The following BLK variants were observed in gnomAD, a reference collection of about 807,000 sequenced individuals.
The protein encoded by BLK is tyrosine-protein kinase Blk.
BLK carries 64 observed loss-of-function variants against 61.8 expected under a neutral mutation model. That is an observed-to-expected ratio of 1.03 (90% CI 0.85 to 1.27). BLK has a LOEUF of 1.27. BLK is among the 50% of genes most tolerant of loss of function. The probability of loss-of-function intolerance (pLI) is 0.00; values close to 1 mark genes in which losing one functional copy is unlikely to be tolerated. For missense variants in BLK, 853 were observed against 660.5 expected (o/e 1.29, Z -3.19); for synonymous variants, 351 against 272.0 (o/e 1.29, Z -2.86).
At chr8:11,562,133 C>A (rs780393621) in intron 11 of BLK, among the ~76,000 whole-genome samples, 6 of 152,070 alleles carry the variant, frequency 3.9e-5, no homozygotes, top group Non-Finnish European at 7.4e-5. Context: ...TTATATAGTC[C>A]CTATTAACCT....
At chr8:11,529,811 C>A (rs1799814780) in intron 1 of BLK, among the ~76,000 whole-genome samples, 1 of 152,204 alleles carries the variant, frequency 6.6e-6, no homozygotes. Context: ...TAGGTTAGAT[C>A]TCTTTCACTG....
chr8:11,544,848 T>G (rs2117458920), intron 2 of BLK, among the ~76,000 whole-genome samples: 1 of 152,286 alleles, frequency 6.6e-6, no homozygotes, highest in East Asian at 1.9e-4. Context: ...GTAACATATG[T>G]CAGGTTGAAA....
At position 11,529,909 on chromosome 8, in the gene BLK, G is replaced by A. The variant is rs138886967; in HGVS notation, c.-1-13315G>A. 1.2e-4 allele frequency among the ~76,000 whole-genome samples: 18 copies of A among 152,264 alleles called. No individual in the cohort carries two copies. In the East Asian group the frequency reaches 2.1e-3, roughly 18 times the overall value. Reference sequence around the variant, plus strand: ...TGACCTGAAGCCTCAAGGAATCCAGGTGAATAACCCCAAAAATCAACCAAA... The same window carrying A: ...TGACCTGAAGCCTCAAGGAATCCAGATGAATAACCCCAAAAATCAACCAAA... On this transcript the variant is annotated intron_variant, in intron 1 of 12. Transcript: ENST00000259089.
At chr8:11,540,352 CTGTT>C (rs1213423815) in intron 1 of BLK, among the ~76,000 whole-genome samples, 1 of 152,112 alleles carries the variant, frequency 6.6e-6, no homozygotes, top group Non-Finnish European at 1.5e-5. Flanking sequence ...TTACCAAAAT[CTGTT>C]TGTATGTTTT....
intron 1 of BLK, among the ~76,000 whole-genome samples, chr8:11,533,231 A>G (rs939734000): frequency 3.7e-4 from 56 of 152,230 alleles, no homozygotes; most frequent in African/African-American, 1.2e-3. Flanking sequence ...TAAAGGCCTG[A>G]GACCTTTTCT....
At chr8:11,555,818 A>G (rs1054764167) in intron 8 of BLK, 3 of 392,368 alleles carry the variant, frequency 7.6e-6, no homozygotes, top group African/African-American at 4.1e-5. Flanking sequence ...CATCACCCAG[A>G]TGGAAACAGG....
intron 1 of BLK, among the ~76,000 whole-genome samples, chr8:11,507,365 G>A (rs1400835565): frequency 6.6e-6 from 1 of 152,198 alleles, no homozygotes; most frequent in Non-Finnish European, 1.5e-5. Context: ...ATTTGCAGTG[G>A]CCCTGGCCTG....
chr8:11,497,146 C>T (rs1027641102), intron 1 of BLK, among the ~76,000 whole-genome samples: 12 of 152,168 alleles, frequency 7.9e-5, no homozygotes, highest in Admixed American at 2.0e-4. Flanking sequence ...ATGATGAAGC[C>T]GCAGGAAGAC....
At chr8:11,512,585 C>A (rs1799059008) in intron 1 of BLK, among the ~76,000 whole-genome samples, 2 of 152,354 alleles carry the variant, frequency 1.3e-5, no homozygotes, top group South Asian at 4.1e-4. Flanking sequence ...CCACCCTCTA[C>A]TTTATAGATA....
intron 1 of BLK, among the ~76,000 whole-genome samples, chr8:11,511,826 A>G (rs1158869411): frequency 1.3e-5 from 2 of 152,238 alleles, no homozygotes; most frequent in East Asian, 3.8e-4. Context: ...CTAATGATCC[A>G]TAATCAATAT....
rs114054760 is a variant in BLK, at chr8:11,511,113, T to A, written c.-2+16522T>A. 6.0e-3 allele frequency among the ~76,000 whole-genome samples: 916 copies of A among 152,328 alleles called. 10 individuals carry two copies. Among genetic ancestry groups the A allele is most frequent in the African/African-American group, 0.021 (872 of 41,570 alleles). ...GTTTACCAAACTGAAATGTTACTAT[T>A]TGAGGCTGAAGGAGCCAAAGAAACC... On this transcript the variant is annotated intron_variant, in intron 1 of 12. Transcript: ENST00000259089.
intron 1 of BLK, among the ~76,000 whole-genome samples, chr8:11,514,576 T>C (rs11990277): frequency 0.24 from 37,120 of 152,148 alleles, 6,268 homozygotes; most frequent in East Asian, 0.72. Flanking sequence ...AGTGCAGAGA[T>C]GCTGCTCCCA....
At chr8:11,527,159 C>G (rs991221557) in intron 1 of BLK, among the ~76,000 whole-genome samples, 2 of 151,874 alleles carry the variant, frequency 1.3e-5, no homozygotes, top group African/African-American at 4.8e-5. Flanking sequence ...TAAGCTTTTT[C>G]TACCAGCTTA....
At chr8:11,534,369 G>C (rs1585372642) in intron 1 of BLK, among the ~76,000 whole-genome samples, 1 of 152,180 alleles carries the variant, frequency 6.6e-6, no homozygotes. Flanking sequence ...ACTACTGTGA[G>C]AGTTTTTTAA....
At chr8:11,510,778 T>G (rs1214618075) in intron 1 of BLK, among the ~76,000 whole-genome samples, 5 of 30,976 alleles carry the variant, frequency 1.6e-4, no homozygotes, top group Non-Finnish European at 3.3e-4. Flanking sequence ...CCATCTCAAA[T>G]AAATAAATAA....
At chr8:11,557,861 A>T (rs142541186) in intron 9 of BLK, 101 bp from the exon 10 acceptor site, 9 of 1,014,444 alleles carry the variant, frequency 8.9e-6, no homozygotes, top group Non-Finnish European at 1.4e-5. Context: ...GCAAACTCCC[A>T]CTTCCCGCGC....
intron 1 of BLK, among the ~76,000 whole-genome samples, chr8:11,497,282 C>T (rs1467537220): frequency 2.6e-5 from 4 of 152,148 alleles, no homozygotes; most frequent in Non-Finnish European, 5.9e-5. Context: ...ACATCTGCTA[C>T]CCCACTGCCA....
rs150181180 is a variant in BLK, at chr8:11,511,177, C to A, written c.-2+16586C>A. Among the ~76,000 whole-genome samples the A allele has an allele frequency of 3.8e-3, 584 of 152,270 alleles. 7 individuals carry two copies. The highest frequency in any genetic ancestry group is 0.01 in the Middle Eastern group (3 of 294). ...GACCAAACCCAAAAGTTCCACCCAACGGAGTGGGAGACTTCAGCTCATTGA... is the reference window on the plus strand; with the variant it reads ...GACCAAACCCAAAAGTTCCACCCAAAGGAGTGGGAGACTTCAGCTCATTGA... On this transcript the variant is annotated intron_variant, in intron 1 of 12. Coordinates refer to ENST00000259089, the MANE Select transcript of BLK (RefSeq NM_001715.3).
intron 1 of BLK, among the ~76,000 whole-genome samples, chr8:11,516,904 C>T (rs1378994083): frequency 6.6e-6 from 1 of 152,340 alleles, no homozygotes; most frequent in Middle Eastern, 3.4e-3. Context: ...AATACCTGCT[C>T]AAGTCCCTGC....
Sources: gnomAD v4.1 joint callset for allele counts (sites outside exome capture counted in the v4.1 genomes callset) on GRCh38, gnomAD v4.1.1 for gene constraint, MANE v1.5 for transcripts, NCBI Gene and HGNC (gene_info 2026-07-23, HGNC 2026-07-21) for gene names.